NWD2: variants seen among roughly 807,000 people sequenced by gnomAD.
NWD2 encodes the protein NACHT and WD repeat domain-containing protein 2.
NWD2 carries 37 observed loss-of-function variants against 132.7 expected under a neutral mutation model. The ratio of observed to expected loss-of-function variants is 0.28; its 90% CI spans 0.21 to 0.37. The LOEUF (loss-of-function observed/expected upper bound fraction) is 0.37, where lower values mean the gene tolerates loss of function less well. NWD2 is among the 10% of genes least tolerant of loss of function. The probability of loss-of-function intolerance (pLI) is 1.00; values close to 1 mark genes in which losing one functional copy is unlikely to be tolerated. For missense variants in NWD2, 1,592 were observed against 2,122.4 expected, an observed-to-expected ratio of 0.75 and a Z score of 4.91; for synonymous variants, 705 against 803.0, an observed-to-expected ratio of 0.88 and a Z score of 2.06.
intron 3 of NWD2, among the ~76,000 whole-genome samples, chr4:37,364,691 T>TACACACACACACACACACACACAC (rs57981065): frequency 8.9e-5 from 13 of 146,688 alleles, no homozygotes; most frequent in Middle Eastern, 3.4e-3. Context: ...TACCTCCACT[T>TACACACACACACACACACACACAC]ACACACACAC....
intron 1 of NWD2, among the ~76,000 whole-genome samples, chr4:37,281,107 G>C (rs1325793843): frequency 6.6e-6 from 1 of 152,126 alleles, no homozygotes; most frequent in South Asian, 2.1e-4. Flanking sequence ...CTGCTTCTGA[G>C]GGACAGTCCA....
At chr4:37,335,393 C>T (rs1358302548) in intron 2 of NWD2, among the ~76,000 whole-genome samples, 4 of 151,790 alleles carry the variant, frequency 2.6e-5, no homozygotes, top group Admixed American at 2.6e-4. Context: ...TATGAGATTC[C>T]AGAGTACTTT....
chr4:37,285,027 G>T (rs899552419), intron 1 of NWD2, among the ~76,000 whole-genome samples: 2 of 152,074 alleles, frequency 1.3e-5, no homozygotes, highest in Non-Finnish European at 2.9e-5. Flanking sequence ...TACAGGTAGG[G>T]ATGAGTTTTT....
intron 3 of NWD2, among the ~76,000 whole-genome samples, chr4:37,358,343 C>T (rs965796363): frequency 3.3e-5 from 5 of 151,466 alleles, no homozygotes; most frequent in African/African-American, 7.3e-5. Context: ...GAGAAAAATA[C>T]GTGGTTTGGG....
intron 3 of NWD2, among the ~76,000 whole-genome samples, chr4:37,425,486 T>A (rs943072182): frequency 6.6e-6 from 1 of 152,226 alleles, no homozygotes; most frequent in Non-Finnish European, 1.5e-5. Flanking sequence ...GAGAGGTGAC[T>A]ATAGATTTCT....
intron 1 of NWD2, among the ~76,000 whole-genome samples, chr4:37,287,398 T>G (rs753576654): frequency 6.6e-6 from 1 of 152,190 alleles, no homozygotes; most frequent in African/African-American, 2.4e-5. Context: ...CTAAGCAACC[T>G]GGGTTGGGGA....
intron 1 of NWD2, among the ~76,000 whole-genome samples, chr4:37,282,408 G>A (rs1049268086): frequency 5.3e-5 from 8 of 152,168 alleles, no homozygotes; most frequent in Non-Finnish European, 1.2e-4. Context: ...AGAAAAGCAT[G>A]TTGAGACTAT....
At chr4:37,365,931 G>A (rs1472703538) in intron 3 of NWD2, among the ~76,000 whole-genome samples, 1 of 152,174 alleles carries the variant, frequency 6.6e-6, no homozygotes, top group African/African-American at 2.4e-5. Context: ...TATAGCTGTA[G>A]TCCAAAGGAC....
Position 37,445,425 on chromosome 4 carries a change from A to G in NWD2, c.3437A>G (p.Lys1146Arg), listed in dbSNP as rs1007461165. 3.9e-6 allele frequency: 6 copies of G among 1,551,820 alleles called. No individual in the cohort carries two copies. The African/African-American group carries it at 8.2e-5, about 21-fold the overall frequency. ...VTSEFSGGFVKFLLILDTAQE... is the reference protein window; with the variant it reads ...VTSEFSGGFVRFLLILDTAQE... ...TCAGAATTTTCAGGTGGATTTGTGAAGTTTCTTCTTATCTTGGACACAGCT... is the reference window on the plus strand; with the variant it reads ...TCAGAATTTTCAGGTGGATTTGTGAGGTTTCTTCTTATCTTGGACACAGCT... Residue 1146 changes from lysine to arginine, a missense_variant, in exon 7 of 7, where the codon AAG becomes AGG. Lys to Arg is a conservative substitution (Grantham distance 26). Coordinates refer to ENST00000309447, the MANE Select transcript of NWD2 (RefSeq NM_001144990.2). This position sits in a 1 kb window ranked among gnomAD's most constrained non-coding sequence, Gnocchi z 4.7.
rs184537885 is a variant in NWD2, at chr4:37,342,335, G to T, written c.241-14031G>T. On this transcript the variant is annotated intron_variant, in intron 2 of 6. Transcript: ENST00000309447. ...CTCTTGCCTTCCACCATGAGTAAAA[G>T]CTTCCTGATGCCCCACCAGAAGCCA... Among the ~76,000 whole-genome samples, 6 of 152,150 alleles carry T rather than the reference G, an allele frequency of 3.9e-5. No individual in the cohort carries two copies. The East Asian group carries it at 9.7e-4, about 25-fold the overall frequency.
At chr4:37,412,735 A>G (rs1415535952) in intron 3 of NWD2, among the ~76,000 whole-genome samples, 1 of 152,218 alleles carries the variant, frequency 6.6e-6, no homozygotes, top group Non-Finnish European at 1.5e-5. Context: ...AAAATATACT[A>G]CAAGGCTACA....
At chr4:37,436,331 C>A (rs1712321436) in intron 5 of NWD2, among the ~76,000 whole-genome samples, 1 of 151,902 alleles carries the variant, frequency 6.6e-6, no homozygotes, top group African/African-American at 2.4e-5. Context: ...AATAAAATTC[C>A]CATAAAATCA....
chr4:37,252,396 G>A (rs1048801561), intron 1 of NWD2, among the ~76,000 whole-genome samples: 1 of 152,198 alleles, frequency 6.6e-6, no homozygotes, highest in Admixed American at 6.5e-5. Context: ...TCTGTAAGCA[G>A]TGTATATCAG....
intron 3 of NWD2, among the ~76,000 whole-genome samples, chr4:37,357,317 A>G (rs771068530): frequency 1.3e-5 from 2 of 152,178 alleles, no homozygotes; most frequent in Non-Finnish European, 2.9e-5. Flanking sequence ...TAGATTCAAT[A>G]TATCAGCAAA....
intron 2 of NWD2, among the ~76,000 whole-genome samples, chr4:37,335,369 T>C (rs1719384855): frequency 6.6e-6 from 1 of 150,960 alleles, no homozygotes; most frequent in African/African-American, 2.4e-5. Flanking sequence ...CATTAAAATG[T>C]AGTGAAGTCC....
intron 3 of NWD2, among the ~76,000 whole-genome samples, chr4:37,394,812 T>G (rs1299222990): frequency 1.7e-5 from 2 of 119,860 alleles, no homozygotes; most frequent in Non-Finnish European, 3.5e-5. Flanking sequence ...TTTTTTTTTT[T>G]TTTTTTTTTT....
intron 1 of NWD2, among the ~76,000 whole-genome samples, chr4:37,305,074 C>T (rs1386996545): frequency 6.6e-6 from 1 of 152,210 alleles, no homozygotes; most frequent in Non-Finnish European, 1.5e-5. Flanking sequence ...TCTGGGCACT[C>T]GCAGGCTCAA....
At chr4:37,368,495 A>G (rs188315659) in intron 3 of NWD2, among the ~76,000 whole-genome samples, 2 of 152,294 alleles carry the variant, frequency 1.3e-5, no homozygotes, top group East Asian at 3.9e-4. Flanking sequence ...TGACCTCTTA[A>G]GCACCCACTT....
At chr4:37,415,466 A>G (rs552827248) in intron 3 of NWD2, among the ~76,000 whole-genome samples, 58 of 152,282 alleles carry the variant, frequency 3.8e-4, no homozygotes, top group African/African-American at 1.4e-3. Flanking sequence ...GCAGTTTGGG[A>G]GGCCGAGGCA....
Sources: gnomAD v4.1 joint callset for allele counts (sites outside exome capture counted in the v4.1 genomes callset) on GRCh38, gnomAD v4.1.1 for gene constraint, Gnocchi (gnomAD v3.1) non-coding constraint, MANE v1.5 for transcripts, NCBI Gene and HGNC (gene_info 2026-07-23, HGNC 2026-07-21) for gene names.